Variants in GLRA3 observed in about 807,000 individuals in gnomAD.
The protein encoded by GLRA3 is glycine receptor alpha 3.
GLRA3 carries 44 observed loss-of-function variants against 60.4 expected under a neutral mutation model. The ratio of observed to expected loss-of-function variants is 0.73; its 90% CI spans 0.57 to 0.94. GLRA3 has a LOEUF of 0.94. GLRA3 is among the 40% of genes least tolerant of loss of function. The pLI is 0.00. For missense variants in GLRA3, 508 were observed against 564.6 expected (o/e 0.90, Z 1.02); for synonymous variants, 223 against 192.9 (o/e 1.16, Z -1.29).
Position 174,659,069 on chromosome 4 carries a change from T to C in GLRA3, c.1056A>G (p.Arg352=). The C allele has an allele frequency of 8.7e-6, 14 of 1,613,034 alleles. No individual in the cohort carries two copies. The highest frequency in any genetic ancestry group is 1.1e-5 in the Non-Finnish European group (13 of 1,179,318). The change falls in exon 8 of 10, where the codon CGA becomes CGG. Residue 352 remains arginine (R), a synonymous_variant. Coordinates refer to ENST00000274093, the MANE Select transcript of GLRA3 (RefSeq NM_006529.4). ...AATCACTTACCTTATTCTTTCTCTT[T>C]CGTCGAAATCTCAGAAGTTCTTTGT... The part of the protein sequence containing the change: ...RQHKELLRFR[R]KRKNKTEAFA...
chr4:174,827,507 A>G (rs536670267), intron 1 of GLRA3, among the ~76,000 whole-genome samples: 1 of 151,834 alleles, frequency 6.6e-6, no homozygotes, highest in Non-Finnish European at 1.5e-5. Flanking sequence ...TTTCAGAAAT[A>G]TAAAAGCTCC....
intron 5 of GLRA3, among the ~76,000 whole-genome samples, chr4:174,692,000 CG>C (rs2111012900): frequency 6.6e-6 from 1 of 151,314 alleles, no homozygotes; most frequent in African/African-American, 2.4e-5. Flanking sequence ...GCCTCTGCCC[CG>C]CCGCCCCGTC....
chr4:174,681,796 A>G (rs1422941125), intron 6 of GLRA3, among the ~76,000 whole-genome samples: 1 of 152,162 alleles, frequency 6.6e-6, no homozygotes, highest in African/African-American at 2.4e-5. Context: ...GATTTTTAGC[A>G]TCTGTCTAAG....
At chr4:174,791,003 C>CAAA (rs34671364) in intron 1 of GLRA3, among the ~76,000 whole-genome samples, 49 of 108,246 alleles carry the variant, frequency 4.5e-4, no homozygotes, top group African/African-American at 8.9e-4. Context: ...GACTCCATCT[C>CAAA]AAAAAAAAAA....
chr4:174,695,577 A>C (rs1220547780), intron 5 of GLRA3, among the ~76,000 whole-genome samples: 1 of 152,122 alleles, frequency 6.6e-6, no homozygotes, highest in Non-Finnish European at 1.5e-5. Context: ...TAGGTATTGA[A>C]GGAAAATACC....
At chr4:174,717,576 G>T (rs888354822) in intron 4 of GLRA3, among the ~76,000 whole-genome samples, 1 of 152,116 alleles carries the variant, frequency 6.6e-6, no homozygotes, top group African/African-American at 2.4e-5. Context: ...CACATAAATG[G>T]AGAGACAGTG....
chr4:174,754,576 G>A (rs1285479029), intron 3 of GLRA3, among the ~76,000 whole-genome samples: 4 of 152,050 alleles, frequency 2.6e-5, no homozygotes, highest in African/African-American at 7.2e-5. Context: ...GAATGACATC[G>A]GAATAGCCAC....
chr4:174,653,028 C>T (rs72998760), intron 9 of GLRA3, among the ~76,000 whole-genome samples: 3,163 of 152,018 alleles, frequency 0.021, 41 homozygotes, highest in Middle Eastern at 0.044. Context: ...TTAGTAGGTA[C>T]CTTTGGGGCA....
intron 7 of GLRA3, among the ~76,000 whole-genome samples, chr4:174,675,595 A>G (rs2110948321): frequency 6.6e-6 from 1 of 152,282 alleles, no homozygotes; most frequent in East Asian, 1.9e-4. Flanking sequence ...TGAAATTTCC[A>G]CTATTACCCA....
At chr4:174,680,741 G>A (rs1734310297) in intron 6 of GLRA3, among the ~76,000 whole-genome samples, 1 of 152,174 alleles carries the variant, frequency 6.6e-6, no homozygotes, top group African/African-American at 2.4e-5. Flanking sequence ...CTTCAGGATA[G>A]TGAAAATAAA....
At chr4:174,691,534 C>T (rs920784232) in intron 5 of GLRA3, among the ~76,000 whole-genome samples, 15 of 152,028 alleles carry the variant, frequency 9.9e-5, no homozygotes, top group African/African-American at 2.2e-4. Context: ...CGATTGCAGG[C>T]GCGCGCGCCG....
At chr4:174,733,097 G>A (rs1358261918) in intron 3 of GLRA3, among the ~76,000 whole-genome samples, 2 of 152,100 alleles carry the variant, frequency 1.3e-5, no homozygotes, top group Non-Finnish European at 2.9e-5. Context: ...GCTGAAAGAG[G>A]AGGAAGAGAG....
intron 2 of GLRA3, among the ~76,000 whole-genome samples, chr4:174,769,727 T>G (rs1253270966): frequency 6.6e-6 from 1 of 152,048 alleles, no homozygotes; most frequent in African/African-American, 2.4e-5. Flanking sequence ...TTCATTTTAG[T>G]GGAACATATG....
At chr4:174,757,397 A>G (rs1005214451) in intron 3 of GLRA3, among the ~76,000 whole-genome samples, 11 of 152,156 alleles carry the variant, frequency 7.2e-5, no homozygotes, top group African/African-American at 2.4e-4. Flanking sequence ...CCATTCTCCA[A>G]TTAAAAGAAA....
rs1269035834 is a variant in GLRA3 at position 174,677,153 on chromosome 4, G to A, written c.852C>T (p.Ala284=). 3.1e-6 allele frequency: 5 copies of A among 1,613,254 alleles called. No homozygotes were observed. The highest frequency in any genetic ancestry group is 4.2e-6 in the Non-Finnish European group (5 of 1,179,306). The change falls in exon 7 of 10, where the codon GCC becomes GCT. Residue 284 remains alanine, a synonymous_variant. Coordinates refer to ENST00000274093, the MANE Select transcript of GLRA3 (RefSeq NM_006529.4). The part of the protein sequence containing the change: ...SFWINMDAAP[A]RVALGITTVL... ...CAGTGGTTATCCCCAGAGCTACCCT[G>A]GCCGGTGCTGCATCCATGTTGATCC...
intron 7 of GLRA3, among the ~76,000 whole-genome samples, chr4:174,663,302 G>A (rs927078337): frequency 1.3e-5 from 2 of 151,824 alleles, no homozygotes; most frequent in African/African-American, 2.4e-5. Flanking sequence ...TCTGTAATTC[G>A]GCCAGAAATT....
intron 5 of GLRA3, among the ~76,000 whole-genome samples, chr4:174,683,820 T>C (rs1390660346): frequency 2.0e-5 from 3 of 152,176 alleles, no homozygotes; most frequent in Admixed American, 6.5e-5. Context: ...TTAGAAAATA[T>C]CTACAAAGCA....
chr4:174,663,618 C>T (rs1014953172), intron 7 of GLRA3, among the ~76,000 whole-genome samples: 3 of 152,206 alleles, frequency 2.0e-5, no homozygotes, highest in African/African-American at 4.8e-5. Flanking sequence ...ATCATCTCTT[C>T]GAACCCCTTC....
chr4:174,777,819 C>A (rs1214726455), intron 2 of GLRA3, among the ~76,000 whole-genome samples: 1 of 152,114 alleles, frequency 6.6e-6, no homozygotes, highest in Admixed American at 6.5e-5. Flanking sequence ...CAGATATGCA[C>A]TTTCCAATCA....
Sources: gnomAD v4.1 joint callset for allele counts (sites outside exome capture counted in the v4.1 genomes callset) on GRCh38, gnomAD v4.1.1 for gene constraint, MANE v1.5 for transcripts, NCBI Gene and HGNC (gene_info 2026-07-23, HGNC 2026-07-21) for gene names.